VWA8: variants seen among roughly 807,000 people sequenced by gnomAD.
VWA8 encodes the protein von Willebrand factor A domain-containing protein 8.
In VWA8, 221 loss-of-function variants were observed where a neutral mutation model predicts 241.5. The ratio of observed to expected loss-of-function variants is 0.91; its 90% CI spans 0.82 to 1.02. VWA8 has a LOEUF of 1.02. Among genes scored for constraint, VWA8 ranks in the 50% least tolerant of loss-of-function variants. The probability of loss-of-function intolerance (pLI) is 0.00; values close to 1 mark genes in which losing one functional copy is unlikely to be tolerated. For missense variants in VWA8, 2,322 were observed against 2,328.7 expected, an observed-to-expected ratio of 1.00 and a Z score of 0.06; for synonymous variants, 852 against 827.1, an observed-to-expected ratio of 1.03 and a Z score of -0.52.
chr13:41,657,623 G>A (rs976192180), intron 37 of VWA8, among the ~76,000 whole-genome samples: 2 of 151,868 alleles, frequency 1.3e-5, no homozygotes, highest in Non-Finnish European at 2.9e-5. Context: ...CCGAGTAGCT[G>A]GGACTACAGG....
rs752536500 is a variant in VWA8, at chr13:41,671,000, C to T, written c.4557G>A (p.Gln1519=). 7 of 1,613,982 alleles carry T rather than the reference C, an allele frequency of 4.3e-6. No individual in the cohort carries two copies. Among genetic ancestry groups the T allele is most frequent in the Non-Finnish European group, 5.9e-6 (7 of 1,179,900 alleles). ...TGTTTCTCCATTCCATGAGTGATCG[C>T]TGCAGACGTTCAAGTCCAGTTTCCC... ...RLWETGLERL[Q]RSLMEWRNMI... The change falls in exon 37 of 45, where the codon CAG becomes CAA. Residue 1519 remains glutamine (Q), a synonymous_variant. Transcript: ENST00000379310.
At chr13:41,836,234 A>G (rs1483207075) in intron 12 of VWA8, among the ~76,000 whole-genome samples, 4 of 152,224 alleles carry the variant, frequency 2.6e-5, no homozygotes, top group Non-Finnish European at 5.9e-5. Flanking sequence ...AGTTAAAAAT[A>G]AGAGAAAAAA....
At chr13:41,928,027 A>G (rs764556355) in intron 2 of VWA8, among the ~76,000 whole-genome samples, 44 of 152,238 alleles carry the variant, frequency 2.9e-4, no homozygotes, top group Non-Finnish European at 6.0e-4. Flanking sequence ...ATTTAATAAT[A>G]AAGGAGTAAA....
intron 27 of VWA8, 93 bp from the exon 28 acceptor site, chr13:41,701,623 C>T (rs1004661406): frequency 8.2e-7 from 1 of 1,225,462 alleles, no homozygotes; most frequent in Admixed American, 3.2e-5. Context: ...CTTTAACATT[C>T]AAGTATTTAA....
intron 3 of VWA8, 62 bp downstream of exon 3, chr13:41,911,976 T>C: frequency 7.2e-7 from 1 of 1,397,118 alleles, no homozygotes; most frequent in Non-Finnish European, 9.4e-7. Context: ...TTCTTAATCT[T>C]ATTTTATTTC....
intron 1 of VWA8, among the ~76,000 whole-genome samples, chr13:41,951,620 C>A (rs1878144234): frequency 6.6e-6 from 1 of 152,162 alleles, no homozygotes; most frequent in Non-Finnish European, 1.5e-5. Context: ...CCATTTGCAT[C>A]TAGAATTTCA....
intron 16 of VWA8, among the ~76,000 whole-genome samples, chr13:41,812,597 T>C (rs1207419038): frequency 3.3e-5 from 5 of 152,176 alleles, no homozygotes; most frequent in Admixed American, 3.3e-4. Context: ...TAAGGTCATC[T>C]CCGTATGTCC....
rs777549499 is a variant in VWA8, at chr13:41,949,983, T to C, written c.194A>G (p.Tyr65Cys). 4 of 1,595,794 alleles carry C rather than the reference T, an allele frequency of 2.5e-6. No individual in the cohort carries two copies. Among genetic ancestry groups the C allele is most frequent in the Non-Finnish European group, 8.6e-7 (1 of 1,168,764 alleles). The change falls in exon 2 of 45, where the codon TAC becomes TGC. Residue 65 changes from tyrosine (Y) to cysteine (C), a missense_variant. By Grantham distance (194) the Tyr-to-Cys change is radical. Transcript: ENST00000379310. ...GDTVNIGDVSYKLKIPKNPEL... is the reference protein window; with the variant it reads ...GDTVNIGDVSCKLKIPKNPEL... ...TGGATTCTTAGGAATTTTCAACTTG[T>C]AGGATACATCTCCAATATTAACTGT...
In VWA8 at chr13:41,783,781, A is replaced by C. The variant is rs767573788; in HGVS notation, c.2277+14T>G. ...TTAAGTGATTTATCCAAGAACACAA[A>C]GCAATACTCTTACCTGAATGTTGTC... is the stretch of plus-strand genomic sequence containing the variant. On this transcript the variant is annotated intron_variant, in intron 19 of 44. Transcript: ENST00000379310. The C allele has an allele frequency of 7.6e-6, 12 of 1,583,780 alleles. No homozygotes were observed. Among genetic ancestry groups the C allele is most frequent in the Non-Finnish European group, 1.0e-5 (12 of 1,155,298 alleles).
intron 19 of VWA8, among the ~76,000 whole-genome samples, chr13:41,782,134 C>G (rs374417406): frequency 6.6e-6 from 1 of 152,170 alleles, no homozygotes; most frequent in African/African-American, 2.4e-5. Context: ...AGAGAAGGTA[C>G]GTTTGGAGAC....
intron 4 of VWA8, among the ~76,000 whole-genome samples, chr13:41,894,979 C>T (rs115551073): frequency 6.6e-6 from 1 of 151,440 alleles, no homozygotes; most frequent in Non-Finnish European, 1.5e-5. Context: ...GGTTGGGGAC[C>T]GTGTGGGAGA....
Position 41,568,296 on chromosome 13 carries a change from T to C in VWA8, c.5619A>G (p.Arg1873=). 6 of 1,614,048 alleles carry C rather than the reference T, an allele frequency of 3.7e-6. No individual in the cohort carries two copies. Among genetic ancestry groups the C allele is most frequent in the Non-Finnish European group, 5.1e-6 (6 of 1,179,926 alleles). The change falls in exon 45 of 45, where the codon AGA becomes AGG. Residue 1873 remains arginine (R), a synonymous_variant. Transcript: ENST00000379310. ...CGAAAGACCGACCAGCTGGTAAAGTTCTCTGAAGCCTGCCAGGATGGAAAG... is the reference window on the plus strand; with the variant it reads ...CGAAAGACCGACCAGCTGGTAAAGTCCTCTGAAGCCTGCCAGGATGGAAAG... ...SLGDQATRLQ[R]TLPAGRSFVA...
chr13:41,891,381 T>C (rs776628162), intron 5 of VWA8, 39 bp downstream of exon 5: 1 of 1,612,166 alleles, frequency 6.2e-7, no homozygotes, highest in Admixed American at 1.7e-5. Context: ...GCCCATAGCT[T>C]GACAGCAAAG....
At chr13:41,845,438 C>T (rs1872247381) in intron 12 of VWA8, among the ~76,000 whole-genome samples, 2 of 152,052 alleles carry the variant, frequency 1.3e-5, no homozygotes, top group Non-Finnish European at 2.9e-5. Flanking sequence ...GAACTATCTT[C>T]ATTCGACCCA....
At chr13:41,681,848 GA>G (rs1256277617) in intron 35 of VWA8, among the ~76,000 whole-genome samples, 2 of 152,130 alleles carry the variant, frequency 1.3e-5, no homozygotes, top group African/African-American at 4.8e-5. Flanking sequence ...ACTGACAGAT[GA>G]GAATGAGTTT....
intron 10 of VWA8, among the ~76,000 whole-genome samples, chr13:41,867,855 G>A (rs952145117): frequency 6.6e-6 from 1 of 152,016 alleles, no homozygotes; most frequent in African/African-American, 2.4e-5. Flanking sequence ...TAAAATGTGT[G>A]TATATATACA....
At chr13:41,703,628 A>G (rs1431760703) in intron 26 of VWA8, among the ~76,000 whole-genome samples, 1 of 152,222 alleles carries the variant, frequency 6.6e-6, no homozygotes, top group Non-Finnish European at 1.5e-5. Context: ...TAAGAAGGTA[A>G]GGCAAGGTCC....
At chr13:41,908,863 C>CT (rs1217724468) in intron 3 of VWA8, among the ~76,000 whole-genome samples, 1 of 152,124 alleles carries the variant, frequency 6.6e-6, no homozygotes, top group African/African-American at 2.4e-5. Context: ...AACTGAGTTA[C>CT]TTAAGTATAA....
intron 7 of VWA8, 26 bp downstream of exon 7, chr13:41,886,752 TGTC>T (rs771092226): frequency 1.3e-6 from 2 of 1,543,624 alleles, no homozygotes; most frequent in African/African-American, 2.8e-5. Flanking sequence ...CAATATTCAG[TGTC>T]CAGACATTTA....
Sources: allele counts gnomAD v4.1 joint callset (sites outside exome capture counted in the v4.1 genomes callset), GRCh38; gene constraint gnomAD v4.1.1; transcripts MANE v1.5; gene names NCBI Gene and HGNC (gene_info 2026-07-23, HGNC 2026-07-21).